HIBCH: variants seen among roughly 807,000 people sequenced by gnomAD.
HIBCH encodes the protein 3-hydroxyisobutyryl-CoA hydrolase, also known as 3-hydroxyisobutyryl-CoA hydrolase, mitochondrial.
HIBCH carries 50 observed loss-of-function variants against 58.2 expected under a neutral mutation model. That is an observed-to-expected ratio of 0.86 (90% CI 0.68 to 1.09). The LOEUF is 1.09. Ranked by LOEUF, HIBCH falls within the 50% of genes least tolerant of loss-of-function variation. The probability of loss-of-function intolerance (pLI) is 0.00; values close to 1 mark genes in which losing one functional copy is unlikely to be tolerated. For synonymous variants in HIBCH, 151 were observed against 146.9 expected (o/e 1.03, Z -0.20); for missense variants, 450 against 449.7 (o/e 1.00, Z -0.01).
chr2:190,285,694 C>T (rs1272138845), intron 6 of HIBCH, among the ~76,000 whole-genome samples: 1 of 152,084 alleles, frequency 6.6e-6, no homozygotes, highest in Non-Finnish European at 1.5e-5. Flanking sequence ...TACCTGGGCC[C>T]TACCTACCTA....
chr2:190,239,107 T>C (rs1185069340), intron 11 of HIBCH, among the ~76,000 whole-genome samples: 1 of 152,212 alleles, frequency 6.6e-6, no homozygotes, highest in Non-Finnish European at 1.5e-5. Context: ...AGGTCTTATG[T>C]TTAAGTCTAA....
intron 11 of HIBCH, among the ~76,000 whole-genome samples, chr2:190,232,783 C>A (rs1686145772): frequency 6.6e-6 from 1 of 152,008 alleles, no homozygotes; most frequent in South Asian, 2.1e-4. Context: ...ATGGTGAAAA[C>A]CCATCTCTAC....
chr2:190,294,874 T>C (rs780204516), intron 3 of HIBCH, among the ~76,000 whole-genome samples: 1 of 152,182 alleles, frequency 6.6e-6, no homozygotes, highest in Non-Finnish European at 1.5e-5. Context: ...GAGTACACTG[T>C]GTGATCCAAA....
At chr2:190,273,122 G>A (rs996957611) in intron 6 of HIBCH, among the ~76,000 whole-genome samples, 1 of 152,228 alleles carries the variant, frequency 6.6e-6, no homozygotes, top group Non-Finnish European at 1.5e-5. Flanking sequence ...GCCAGGCGCA[G>A]TGGCTCATGC....
At chr2:190,309,846 T>C (rs115082833) in intron 2 of HIBCH, among the ~76,000 whole-genome samples, 2,863 of 152,242 alleles carry the variant, frequency 0.019, 97 homozygotes, top group African/African-American at 0.065. Context: ...TTTTAATGCA[T>C]TATTGTGATG....
intron 11 of HIBCH, among the ~76,000 whole-genome samples, chr2:190,226,334 G>A (rs1046205893): frequency 1.3e-5 from 2 of 152,174 alleles, no homozygotes; most frequent in Admixed American, 6.5e-5. Context: ...GGTGGCTCAC[G>A]CCTGTAATCC....
chr2:190,270,820 T>C (rs547131413), intron 6 of HIBCH, among the ~76,000 whole-genome samples: 18 of 152,296 alleles, frequency 1.2e-4, no homozygotes, highest in Non-Finnish European at 2.2e-4. Context: ...ATGTTTCTCA[T>C]ATTAACGGGC....
chr2:190,240,108 G>A (rs1210730891), intron 11 of HIBCH, among the ~76,000 whole-genome samples: 1 of 152,132 alleles, frequency 6.6e-6, no homozygotes, highest in African/African-American at 2.4e-5. Flanking sequence ...GGCAGAATTC[G>A]GCTGTGAATC....
intron 11 of HIBCH, among the ~76,000 whole-genome samples, chr2:190,242,631 G>C (rs920265014): frequency 6.6e-6 from 1 of 152,062 alleles, no homozygotes. Flanking sequence ...TTGTTGACAT[G>C]AGGTGCTTGC....
rs138977480 is a variant in HIBCH at position 190,292,226 on chromosome 2, C to T, written c.305-1741G>A. ...CGAACTCCCAACCTCAGGTGATCTG[C>T]CGGCTCGGGCCTCCTAACTCTAGAA... is the stretch of plus-strand genomic sequence containing the variant. On this transcript the variant is annotated intron_variant, in intron 4 of 13. Transcript: ENST00000359678. Among the ~76,000 whole-genome samples the T allele has an allele frequency of 1.2e-4, 18 of 152,320 alleles. No individual in the cohort carries two copies. In the East Asian group the frequency reaches 3.5e-3, roughly 29 times the overall value.
In HIBCH at chr2:190,313,824, T is replaced by G. The variant is rs143849071; in HGVS notation, c.36-3028A>C. The stretch of plus-strand genomic sequence containing the variant: ...TGTCATTAAAAATCAACACTAACAC[T>G]TTATAATTATGAAACTGAAGTGACA... On this transcript the variant is annotated intron_variant, in intron 1 of 13. Transcript: ENST00000359678. 2.2e-4 allele frequency among the ~76,000 whole-genome samples: 34 copies of G among 152,202 alleles called. No homozygotes were observed. In the East Asian group the frequency reaches 6.2e-3, roughly 28 times the overall value.
intron 6 of HIBCH, among the ~76,000 whole-genome samples, chr2:190,273,468 A>C (rs1016771558): frequency 2.6e-5 from 4 of 152,166 alleles, no homozygotes; most frequent in Non-Finnish European, 5.9e-5. Flanking sequence ...GGAAATCTAA[A>C]AGAATCTCAT....
At chr2:190,250,258 A>G in intron 8 of HIBCH, 1 of 370,442 alleles carries the variant, frequency 2.7e-6, no homozygotes, top group Non-Finnish European at 5.5e-6. Flanking sequence ...GATAATACTC[A>G]CCTTAAGGCC....
chr2:190,291,279 A>G (rs1300023092), intron 4 of HIBCH, among the ~76,000 whole-genome samples: 2 of 152,234 alleles, frequency 1.3e-5, no homozygotes, highest in African/African-American at 4.8e-5. Flanking sequence ...CAGCAACACA[A>G]GATGGCTGTC....
rs1470979211 is a variant in HIBCH at position 190,194,475 on chromosome 2, TATACACACAC to T, written c.*18-4488_*18-4479del. ...AAGTAGTGTTCCCACGTATCCTGTG[TATACACACAC>T]ACACACACACACACACACACACACA... On this transcript the variant is annotated intron_variant, in intron 1 of 1. Coordinates refer to the HIBCH transcript ENST00000399855. Among the ~76,000 whole-genome samples, 274 of 126,914 alleles carry T rather than the reference TATACACACAC, an allele frequency of 2.2e-3. 1 individual carries two copies. The highest frequency in any genetic ancestry group is 8.9e-3 in the African/African-American group (263 of 29,676). 83.3% of individuals were successfully genotyped at this position (126,914 alleles called of 152,430 possible).
intron 9 of HIBCH, among the ~76,000 whole-genome samples, chr2:190,248,974 A>G (rs1686688598): frequency 6.6e-6 from 1 of 152,168 alleles, no homozygotes; most frequent in Non-Finnish European, 1.5e-5. Flanking sequence ...GTCTACAGCA[A>G]CAATCAGCTG....
intron 2 of HIBCH, among the ~76,000 whole-genome samples, chr2:190,301,426 C>T (rs1295403506): frequency 6.6e-6 from 1 of 152,014 alleles, no homozygotes; most frequent in African/African-American, 2.4e-5. Flanking sequence ...GAAGTGGGGA[C>T]AAAAGAAAAG....
chr2:190,202,120 C>T (rs764277779), downstream of HIBCH: 13 of 166,990 alleles, frequency 7.8e-5, no homozygotes, highest in Non-Finnish European at 1.8e-4. Context: ...CTTCTGTGCC[C>T]TGGGCCACTA....
At position 190,205,106 on chromosome 2, in the gene HIBCH, A is replaced by C; in HGVS notation, c.*11T>G. 6.8e-7 allele frequency: 1 copy of C among 1,470,494 alleles called. No homozygotes were observed. Among genetic ancestry groups the C allele is most frequent in the Non-Finnish European group, 9.5e-7 (1 of 1,051,822 alleles). The allele number at this position is 1,470,494 out of a possible 1,614,324, so 91.1% of individuals were successfully genotyped here. A position where few individuals can be genotyped will look rare whatever the true frequency, so the allele number is the denominator to read the frequency against. ...CCCATGCTACAAAATATACCTTAAAAGCCTGTCACCTCAAAATTTCAAATC... is the reference window on the plus strand; with the variant it reads ...CCCATGCTACAAAATATACCTTAAACGCCTGTCACCTCAAAATTTCAAATC... On this transcript the variant is annotated 3_prime_UTR_variant, in exon 14 of 14. Transcript: ENST00000359678.
Sources: allele counts gnomAD v4.1 joint callset (sites outside exome capture counted in the v4.1 genomes callset), GRCh38; gene constraint gnomAD v4.1.1; transcripts MANE v1.5; gene names NCBI Gene and HGNC (gene_info 2026-07-23, HGNC 2026-07-21).